Variants in ADAM22 observed in about 807,000 individuals in gnomAD.
ADAM22 encodes ADAM metallopeptidase domain 22, also known as disintegrin and metalloproteinase domain-containing protein 22.
ADAM22 carries 65 observed loss-of-function variants against 144.6 expected under a neutral mutation model. The ratio of observed to expected loss-of-function variants is 0.45; its 90% CI spans 0.37 to 0.55. The LOEUF is 0.55. Ranked by LOEUF, ADAM22 falls within the 20% of genes least tolerant of loss-of-function variation. The pLI, the probability that ADAM22 is intolerant of heterozygous loss-of-function variation, is 0.00. For synonymous variants in ADAM22, 391 were observed against 412.6 expected (o/e 0.95, Z 0.63); for missense variants, 974 against 1,184.9 (o/e 0.82, Z 2.61).
intron 30 of ADAM22, among the ~76,000 whole-genome samples, chr7:88,187,287 C>T (rs1022803779): frequency 6.6e-6 from 1 of 152,186 alleles, no homozygotes; most frequent in East Asian, 1.9e-4. Context: ...CATTTCCTAC[C>T]AGAGAAAGGC....
chr7:87,958,467 A>G (rs1039060004), intron 2 of ADAM22, among the ~76,000 whole-genome samples: 1 of 151,016 alleles, frequency 6.6e-6, no homozygotes, highest in African/African-American at 2.4e-5. Context: ...CTCACTGCAA[A>G]CTCTGCCTCC....
chr7:88,085,524 G>T (rs937525152), intron 4 of ADAM22, among the ~76,000 whole-genome samples: 1 of 151,998 alleles, frequency 6.6e-6, no homozygotes, highest in Non-Finnish European at 1.5e-5. Flanking sequence ...AGCCAGCCTG[G>T]GTAACATAGC....
Position 88,112,968 on chromosome 7 carries a change from C to T in ADAM22, c.474-1616C>T, listed in dbSNP as rs779218840. Among the ~76,000 whole-genome samples, 5 of 152,252 alleles carry T rather than the reference C, an allele frequency of 3.3e-5. No homozygotes were observed. In the South Asian group the frequency reaches 8.3e-4, roughly 25 times the overall value. ...CTCCTGGCCTCATGTGATTTCCCCC[C>T]GCCTTGGCCTTCCAAAGTGTTGGGA... On this transcript the variant is annotated intron_variant, in intron 5 of 31. Coordinates refer to ENST00000413139, the MANE Select transcript of ADAM22 (RefSeq NM_001324418.2).
chr7:88,015,758 T>C (rs1796412173), intron 3 of ADAM22, among the ~76,000 whole-genome samples: 1 of 152,224 alleles, frequency 6.6e-6, no homozygotes, highest in Non-Finnish European at 1.5e-5. Flanking sequence ...TCATATATTG[T>C]TCTTTTATTA....
At chr7:88,114,435 T>G in intron 5 of ADAM22, 149 bp from the exon 6 acceptor site, 2 of 644,088 alleles carry the variant, frequency 3.1e-6, no homozygotes, top group South Asian at 3.8e-5. Flanking sequence ...CTCTCAGTGG[T>G]GTGTGTGGTG....
intron 23 of ADAM22, among the ~76,000 whole-genome samples, chr7:88,164,633 C>T (rs1842538579): frequency 6.6e-6 from 1 of 151,986 alleles, no homozygotes; most frequent in East Asian, 1.9e-4. Flanking sequence ...GCCTTTGTGA[C>T]TCAATTTCTT....
At chr7:88,087,363 G>A (rs1818705348) in intron 4 of ADAM22, among the ~76,000 whole-genome samples, 1 of 152,126 alleles carries the variant, frequency 6.6e-6, no homozygotes, top group Non-Finnish European at 1.5e-5. Context: ...ATTCAGTTAT[G>A]CATTTAGGTA....
At chr7:88,148,882 C>T in intron 17 of ADAM22, 95 bp from the exon 18 acceptor site, 3 of 962,916 alleles carry the variant, frequency 3.1e-6, no homozygotes. Flanking sequence ...TAAGGTATTT[C>T]TAGCCAAACA....
chr7:88,155,726 G>A (rs1270563827), intron 21 of ADAM22, among the ~76,000 whole-genome samples, 161 bp from the exon 22 acceptor site: 2 of 152,080 alleles, frequency 1.3e-5, no homozygotes, highest in Non-Finnish European at 2.9e-5. Context: ...ACTTTTTAGA[G>A]CAGGTGGCAC....
intron 9 of ADAM22, among the ~76,000 whole-genome samples, chr7:88,129,213 A>G (rs1831152548): frequency 6.6e-6 from 1 of 152,036 alleles, no homozygotes; most frequent in Non-Finnish European, 1.5e-5. Context: ...ATTTTGACCC[A>G]TAGTGTTTAT....
chr7:88,026,307 T>A (rs1799013792), intron 3 of ADAM22, among the ~76,000 whole-genome samples: 1 of 152,154 alleles, frequency 6.6e-6, no homozygotes, highest in Non-Finnish European at 1.5e-5. Flanking sequence ...GCATTTGACA[T>A]GGCAGGAGCA....
intron 3 of ADAM22, among the ~76,000 whole-genome samples, chr7:88,049,997 T>C (rs1308758866): frequency 6.6e-6 from 1 of 151,956 alleles, no homozygotes; most frequent in Non-Finnish European, 1.5e-5. Context: ...ATACAGAACA[T>C]GGTTTTTATT....
At chr7:88,020,535 T>C (rs1797599229) in intron 3 of ADAM22, among the ~76,000 whole-genome samples, 1 of 152,146 alleles carries the variant, frequency 6.6e-6, no homozygotes, top group South Asian at 2.1e-4. Flanking sequence ...CTTGGTTTGT[T>C]TCCTCCAATG....
At chr7:88,112,544 A>G (rs1158865341) in intron 5 of ADAM22, among the ~76,000 whole-genome samples, 5 of 152,210 alleles carry the variant, frequency 3.3e-5, no homozygotes, top group Non-Finnish European at 7.3e-5. Flanking sequence ...TTTCTTTAAC[A>G]TCATAAAGGG....
chr7:88,196,580 G>T lies in ADAM22; in HGVS notation c.*89G>T. 7.1e-7 allele frequency: 1 copy of T among 1,404,152 alleles called. No homozygotes were observed. The highest frequency in any genetic ancestry group is 1.0e-6 in the Non-Finnish European group (1 of 992,424). The allele number at this position is 1,404,152 out of a possible 1,614,324, so 87.0% of individuals were successfully genotyped here. ...TCATGGAATCACTGCAAATCTATCTGCTCTTCAGACAATACGAAGACCCTC... is the reference window on the plus strand; with the variant it reads ...TCATGGAATCACTGCAAATCTATCTTCTCTTCAGACAATACGAAGACCCTC... On this transcript the variant is annotated 3_prime_UTR_variant, in exon 32 of 32. Coordinates refer to ENST00000413139, the MANE Select transcript of ADAM22 (RefSeq NM_001324418.2).
intron 25 of ADAM22, 38 bp downstream of exon 25, chr7:88,168,265 T>C: frequency 3.2e-6 from 5 of 1,559,964 alleles, no homozygotes; most frequent in Non-Finnish European, 4.4e-6. Context: ...TATTGAAATA[T>C]ACTTCTAAAC....
intron 3 of ADAM22, among the ~76,000 whole-genome samples, chr7:88,055,381 T>C (rs1807930289): frequency 6.6e-6 from 1 of 150,956 alleles, no homozygotes; most frequent in Non-Finnish European, 1.5e-5. Flanking sequence ...AAAAAATCGC[T>C]TTTTTTTTCT....
At chr7:88,080,931 A>G (rs1816386958) in intron 4 of ADAM22, among the ~76,000 whole-genome samples, 1 of 152,222 alleles carries the variant, frequency 6.6e-6, no homozygotes, top group Admixed American at 6.5e-5. Flanking sequence ...AACTGGTACC[A>G]TTCCTTCTGA....
chr7:87,982,701 T>TATATATATAA (rs1554373733), intron 3 of ADAM22, among the ~76,000 whole-genome samples: 814 of 33,564 alleles, frequency 0.024, 27 homozygotes, highest in Non-Finnish European at 0.03. Flanking sequence ...ATATATATAA[T>TATATATATAA]TTTTTTTTTT....
Sources: gnomAD v4.1 joint callset for allele counts (sites outside exome capture counted in the v4.1 genomes callset) on GRCh38, gnomAD v4.1.1 for gene constraint, MANE v1.5 for transcripts, NCBI Gene and HGNC (gene_info 2026-07-23, HGNC 2026-07-21) for gene names.